The following FBXW2 variants were observed in gnomAD, a reference collection of about 807,000 sequenced individuals.
FBXW2 encodes F-box and WD repeat domain containing 2, also known as F-box/WD repeat-containing protein 2.
Under a neutral mutation model 46.0 loss-of-function variants are expected in FBXW2, and 12 were observed. The observed-to-expected ratio is 0.26, with a 90% CI of 0.17 to 0.42. The LOEUF is 0.42. Ranked by LOEUF, FBXW2 falls within the 10% of genes least tolerant of loss-of-function variation. The pLI, the probability that FBXW2 is intolerant of heterozygous loss-of-function variation, is 1.00. For missense variants in FBXW2, 360 were observed against 537.0 expected, an observed-to-expected ratio of 0.67 and a Z score of 3.26; for synonymous variants, 203 against 209.6, an observed-to-expected ratio of 0.97 and a Z score of 0.27.
At chr9:120,780,608 C>G (rs1024663972) in intron 3 of FBXW2, among the ~76,000 whole-genome samples, 1 of 152,122 alleles carries the variant, frequency 6.6e-6, no homozygotes, top group African/African-American at 2.4e-5. Context: ...GCCTTCAGTT[C>G]AGGCATGTTG....
intron 7 of FBXW2, among the ~76,000 whole-genome samples, chr9:120,768,935 C>T (rs1194150176): frequency 5.3e-5 from 8 of 152,164 alleles, no homozygotes; most frequent in Admixed American, 3.3e-4. Flanking sequence ...CGGGTTAGGG[C>T]TCAAGATCTG....
intron 7 of FBXW2, among the ~76,000 whole-genome samples, chr9:120,767,331 T>C (rs1424868807): frequency 3.3e-5 from 5 of 152,104 alleles, no homozygotes; most frequent in Non-Finnish European, 1.5e-5. Flanking sequence ...AGACTGAAAA[T>C]GGAAGAAACT....
At chr9:120,785,885 T>C (rs1171693945) in intron 3 of FBXW2, among the ~76,000 whole-genome samples, 1 of 151,408 alleles carries the variant, frequency 6.6e-6, no homozygotes, top group East Asian at 1.9e-4. Context: ...TAGCCGGGTG[T>C]GGTGGCGCAC....
At chr9:120,779,221 T>TTAG (rs1372712232) in intron 3 of FBXW2, among the ~76,000 whole-genome samples, 7 of 152,206 alleles carry the variant, frequency 4.6e-5, no homozygotes, top group Non-Finnish European at 1.0e-4. Flanking sequence ...CTGATGAAAA[T>TTAG]TCTATACTAA....
intron 2 of FBXW2, among the ~76,000 whole-genome samples, chr9:120,791,410 C>T (rs142176611): frequency 1.3e-5 from 2 of 152,290 alleles, no homozygotes; most frequent in African/African-American, 4.8e-5. Flanking sequence ...CAGCCACTTC[C>T]TATGTGATTA....
intron 3 of FBXW2, among the ~76,000 whole-genome samples, chr9:120,780,194 A>G (rs2044581575): frequency 1.3e-5 from 2 of 151,076 alleles, no homozygotes; most frequent in East Asian, 3.9e-4. Context: ...GTCTCCACTA[A>G]AAAAAATACA....
At chr9:120,770,063 C>T (rs1258881977) in intron 7 of FBXW2, among the ~76,000 whole-genome samples, 1 of 152,126 alleles carries the variant, frequency 6.6e-6, no homozygotes, top group Admixed American at 6.6e-5. Context: ...CACGAGCTGA[C>T]CTCAAATAGT....
At chr9:120,771,609 G>C (rs1304218592) in intron 6 of FBXW2, 92 bp from the exon 7 acceptor site, 4 of 1,152,508 alleles carry the variant, frequency 3.5e-6, no homozygotes, top group African/African-American at 1.6e-5. Context: ...AAGTCAGATA[G>C]AAAGTGAAGT....
At chr9:120,785,567 C>A (rs907576508) in intron 3 of FBXW2, among the ~76,000 whole-genome samples, 10 of 152,130 alleles carry the variant, frequency 6.6e-5, no homozygotes, top group Non-Finnish European at 1.5e-4. Flanking sequence ...ATAATACATA[C>A]CCTTAATGAA....
In FBXW2 at chr9:120,763,419, A is replaced by C. The variant is rs893337005; in HGVS notation, c.*1140T>G. 1.3e-5 allele frequency: 2 copies of C among 152,242 alleles called. No individual in the cohort carries two copies. The highest frequency in any genetic ancestry group is 2.9e-5 in the Non-Finnish European group (2 of 68,042). 9.4% of individuals were successfully genotyped at this position (152,242 alleles called of 1,614,324 possible). A position where few individuals can be genotyped will look rare whatever the true frequency, so the allele number is the denominator to read the frequency against. On this transcript the variant is annotated 3_prime_UTR_variant, in exon 8 of 8. Transcript: ENST00000608872. ...AGATTAAGTTAGAGGCAAAGGAGGAAGTTAGGTTGGGTTCAGGTATCCTTC... is the reference window on the plus strand; with the variant it reads ...AGATTAAGTTAGAGGCAAAGGAGGACGTTAGGTTGGGTTCAGGTATCCTTC...
Position 120,793,036 on chromosome 9 carries a change from G to C in FBXW2, c.-21+113C>G, listed in dbSNP as rs2044885422. On this transcript the variant is annotated intron_variant, in intron 2 of 7. Coordinates refer to ENST00000608872, the MANE Select transcript of FBXW2 (RefSeq NM_012164.4). ...CGCAGCTAAGGAAATGGAGGCAGTA[G>C]GAGGCAGTAACTCCAAAACCCTGTT... The C allele has an allele frequency of 6.9e-6, 9 of 1,307,664 alleles. No individual in the cohort carries two copies. The South Asian group carries it at 8.9e-5, about 13-fold the overall frequency. 81.0% of individuals were successfully genotyped at this position (1,307,664 alleles called of 1,614,324 possible). A position where few individuals can be genotyped will look rare whatever the true frequency, so the allele number is the denominator to read the frequency against.
chr9:120,762,405 G>A lies in FBXW2; in HGVS notation c.*2154C>T, dbSNP rs1191747071. ...CATCATCATTGCCCAAAGTCTCCTGGGGCTTCTGCAAAATAGATTCAGTTG... is the reference window on the plus strand; with the variant it reads ...CATCATCATTGCCCAAAGTCTCCTGAGGCTTCTGCAAAATAGATTCAGTTG... On this transcript the variant is annotated 3_prime_UTR_variant, in exon 8 of 8. Coordinates refer to ENST00000608872, the MANE Select transcript of FBXW2 (RefSeq NM_012164.4). The A allele has an allele frequency of 2.0e-5, 3 of 152,098 alleles. No individual in the cohort carries two copies. The highest frequency in any genetic ancestry group is 7.2e-5 in the African/African-American group (3 of 41,414). 9.4% of individuals were successfully genotyped at this position (152,098 alleles called of 1,614,324 possible). A position where few individuals can be genotyped will look rare whatever the true frequency, so the allele number is the denominator to read the frequency against.
At chr9:120,779,560 TTTA>T in intron 3 of FBXW2, among the ~76,000 whole-genome samples, 1 of 152,350 alleles carries the variant, frequency 6.6e-6, no homozygotes, top group South Asian at 2.1e-4. Context: ...AAAGACTGTA[TTTA>T]TTGTCACTTT....
chr9:120,770,884 C>G (rs933522184), intron 7 of FBXW2, among the ~76,000 whole-genome samples: 1 of 152,194 alleles, frequency 6.6e-6, no homozygotes, highest in Non-Finnish European at 1.5e-5. Flanking sequence ...GAGGGAAACC[C>G]TGCAAATTTT....
At chr9:120,781,353 G>A (rs373924693) in intron 3 of FBXW2, among the ~76,000 whole-genome samples, 24 of 152,118 alleles carry the variant, frequency 1.6e-4, no homozygotes, top group African/African-American at 5.1e-4. Context: ...TCAAAAAACC[G>A]TCTAGGAGTT....
chr9:120,779,141 TC>T (rs2044559716), intron 3 of FBXW2, among the ~76,000 whole-genome samples: 1 of 152,168 alleles, frequency 6.6e-6, no homozygotes, highest in Non-Finnish European at 1.5e-5. Context: ...CCCCAGATAT[TC>T]ACAACTCAAC....
intron 6 of FBXW2, among the ~76,000 whole-genome samples, chr9:120,772,360 G>A (rs930881149): frequency 6.6e-6 from 1 of 152,132 alleles, no homozygotes; most frequent in Admixed American, 6.6e-5. Flanking sequence ...GGGCCTGGTA[G>A]CAGGCGCCTG....
intron 7 of FBXW2, among the ~76,000 whole-genome samples, chr9:120,766,481 A>G (rs1319813963): frequency 6.6e-6 from 1 of 152,024 alleles, no homozygotes; most frequent in Non-Finnish European, 1.5e-5. Flanking sequence ...TTATTTATTT[A>G]TTGAGATGGA....
intron 3 of FBXW2, among the ~76,000 whole-genome samples, chr9:120,784,308 A>G (rs530572437): frequency 6.6e-6 from 1 of 152,338 alleles, no homozygotes; most frequent in Admixed American, 6.5e-5. Flanking sequence ...GAGAGAAGAA[A>G]AAAACTTTTT....
Sources: allele counts gnomAD v4.1 joint callset (sites outside exome capture counted in the v4.1 genomes callset), GRCh38; gene constraint gnomAD v4.1.1; transcripts MANE v1.5; gene names NCBI Gene and HGNC (gene_info 2026-07-23, HGNC 2026-07-21).